The following PCDHA8 variants were observed in gnomAD, a reference collection of about 807,000 sequenced individuals.
PCDHA8 encodes protocadherin alpha 8.
Under a neutral mutation model 61.8 loss-of-function variants are expected in PCDHA8, and 53 were observed. The observed-to-expected ratio is 0.86, with a 90% CI of 0.69 to 1.08. The LOEUF (loss-of-function observed/expected upper bound fraction) is 1.08, where lower values mean the gene tolerates loss of function less well. PCDHA8 is among the 50% of genes least tolerant of loss of function. The pLI is 0.00. For missense variants in PCDHA8, 1,293 were observed against 1,245.0 expected (o/e 1.04, Z -0.58); for synonymous variants, 618 against 556.6 (o/e 1.11, Z -1.55).
intron 1 of PCDHA8, among the ~76,000 whole-genome samples, chr5:140,888,291 A>G (rs539984108): frequency 9.2e-5 from 14 of 152,122 alleles, no homozygotes; most frequent in Admixed American, 5.2e-4. Flanking sequence ...TCTACCCCCT[A>G]CCCAGGAGAT....
At chr5:140,970,565 T>C (rs1346006828) in intron 1 of PCDHA8, among the ~76,000 whole-genome samples, 2 of 152,182 alleles carry the variant, frequency 1.3e-5, no homozygotes, top group Non-Finnish European at 2.9e-5. Flanking sequence ...TCTCCATATG[T>C]ATGCTTGAAA....
intron 1 of PCDHA8, chr5:140,876,444 T>A (rs1554168564): frequency 6.2e-7 from 1 of 1,613,996 alleles, no homozygotes; most frequent in Non-Finnish European, 8.5e-7. Context: ...ACGCCATTGA[T>A]AAAGGGATTC....
chr5:140,901,146 C>A (rs1463079898), intron 1 of PCDHA8, among the ~76,000 whole-genome samples: 1 of 152,180 alleles, frequency 6.6e-6, no homozygotes, highest in African/African-American at 2.4e-5. Flanking sequence ...AATATTTTCT[C>A]TCAATCTGTG....
At chr5:140,973,062 G>GTC (rs1554234872) in intron 1 of PCDHA8, among the ~76,000 whole-genome samples, 1 of 152,138 alleles carries the variant, frequency 6.6e-6, no homozygotes, top group African/African-American at 2.4e-5. Context: ...GTCCAACAGT[G>GTC]TCTCAGTGGG....
At chr5:140,857,655 C>T (rs782490979) in intron 1 of PCDHA8, 1 of 1,596,728 alleles carries the variant, frequency 6.3e-7, no homozygotes, top group Non-Finnish European at 8.6e-7. Context: ...CAGGTGAGCG[C>T]GCGCGATGGG....
At chr5:140,848,690 G>T in intron 1 of PCDHA8, 2 of 1,592,462 alleles carry the variant, frequency 1.3e-6, no homozygotes, top group Non-Finnish European at 1.7e-6. Context: ...GCCTGTTCCA[G>T]TTGGATTCCA....
chr5:140,937,567 G>A lies in PCDHA8; in HGVS notation c.2395-41382G>A, dbSNP rs1218260457. On this transcript the variant is annotated intron_variant, in intron 1 of 3. Transcript: ENST00000531613. ...GCGAGGCAGAGGTTGCAGTGAGCTG[G>A]GATCGCGTCACTGCACTCTAGCCTG... 1.9e-3 allele frequency among the ~76,000 whole-genome samples: 288 copies of A among 150,684 alleles called. 1 individual carries two copies. Among genetic ancestry groups the A allele is most frequent in the African/African-American group, 6.8e-3 (278 of 40,792 alleles).
chr5:140,966,788 C>A, intron 1 of PCDHA8: 1 of 1,527,436 alleles, frequency 6.5e-7, no homozygotes, highest in African/African-American at 1.4e-5. Flanking sequence ...GGGCACCAGA[C>A]CTGCGGCGAC....
chr5:140,982,663 A>G (rs2096995052), intron 3 of PCDHA8, 100 bp downstream of exon 3: 5 of 1,473,648 alleles, frequency 3.4e-6, no homozygotes, highest in Admixed American at 2.6e-5. Context: ...TTTTTCTTTT[A>G]TATTTTTGTT....
chr5:140,953,564 GC>G (rs543933826), intron 1 of PCDHA8, among the ~76,000 whole-genome samples: 356 of 152,176 alleles, frequency 2.3e-3, no homozygotes, highest in African/African-American at 7.9e-3. Context: ...AAGTTTTAGT[GC>G]CCTCCTCTCC....
chr5:140,963,509 G>A, intron 1 of PCDHA8, among the ~76,000 whole-genome samples: 1 of 152,164 alleles, frequency 6.6e-6, no homozygotes, highest in Non-Finnish European at 1.5e-5. Flanking sequence ...CTCTTGAAGG[G>A]GTTCTCATAA....
chr5:140,913,518 A>G (rs1375122197), intron 1 of PCDHA8, among the ~76,000 whole-genome samples: 2 of 151,902 alleles, frequency 1.3e-5, no homozygotes, highest in Non-Finnish European at 2.9e-5. Context: ...AATTTTATTT[A>G]TCTTTTCAAA....
At chr5:140,849,896 C>A in intron 1 of PCDHA8, 1 of 1,598,590 alleles carries the variant, frequency 6.3e-7, no homozygotes, top group Non-Finnish European at 8.6e-7. Flanking sequence ...TGAAGGAGAA[C>A]AACCCGCCGG....
chr5:140,906,804 C>T (rs1254520665), intron 1 of PCDHA8, among the ~76,000 whole-genome samples: 3 of 152,224 alleles, frequency 2.0e-5, no homozygotes, highest in Non-Finnish European at 4.4e-5. Context: ...CATACTCTTC[C>T]TTACCTCCAC....
chr5:141,000,080 G>T (rs1554257118), intron 3 of PCDHA8, among the ~76,000 whole-genome samples: 1 of 152,068 alleles, frequency 6.6e-6, no homozygotes, highest in Non-Finnish European at 1.5e-5. Context: ...ACAATGCTAG[G>T]CCTGTGAATG....
At chr5:140,865,799 T>A (rs1286819785) in intron 1 of PCDHA8, 1 of 152,200 alleles carries the variant, frequency 6.6e-6, no homozygotes, top group East Asian at 1.9e-4. Context: ...GGCTTCAGAC[T>A]CATTCTTTTA....
chr5:140,877,306 C>G (rs1554169576), intron 1 of PCDHA8: 1 of 1,613,826 alleles, frequency 6.2e-7, no homozygotes, highest in African/African-American at 1.3e-5. Context: ...CTACGAGTTG[C>G]AACCGGCGGC....
At chr5:140,878,063 T>A (rs2057461897) in intron 1 of PCDHA8, 1 of 402,806 alleles carries the variant, frequency 2.5e-6, no homozygotes, top group Non-Finnish European at 4.1e-6. Context: ...CACTTAATAT[T>A]TTTCTTTTTC....
chr5:140,891,934 T>C lies in PCDHA8; in HGVS notation c.2394+48219T>C, dbSNP rs373423866. Among the ~76,000 whole-genome samples the C allele has an allele frequency of 5.9e-5, 9 of 152,230 alleles. No homozygotes were observed. The East Asian group carries it at 9.6e-4, about 16-fold the overall frequency. ...AGATGCTGGTGCCTTGATCTTGGAC[T>C]TCCCCTAGGCTCCAGAATTGTGAGA... On this transcript the variant is annotated intron_variant, in intron 1 of 3. Transcript: ENST00000531613.
Sources: gnomAD v4.1 joint callset for allele counts (sites outside exome capture counted in the v4.1 genomes callset) on GRCh38, gnomAD v4.1.1 for gene constraint, MANE v1.5 for transcripts, NCBI Gene and HGNC (gene_info 2026-07-23, HGNC 2026-07-21) for gene names.